The following COPB2 variants were observed in gnomAD, a reference collection of about 807,000 sequenced individuals.
COPB2 encodes the protein coat protein complex I subunit beta 2.
COPB2 carries 16 observed loss-of-function variants against 120.8 expected under a neutral mutation model. The ratio of observed to expected loss-of-function variants is 0.13; its 90% CI spans 0.09 to 0.20. The LOEUF (loss-of-function observed/expected upper bound fraction) is 0.20, where lower values mean the gene tolerates loss of function less well. Ranked by LOEUF, COPB2 falls within the 10% of genes least tolerant of loss-of-function variation. The pLI, the probability that COPB2 is intolerant of heterozygous loss-of-function variation, is 1.00. For synonymous variants in COPB2, 332 were observed against 366.3 expected (o/e 0.91, Z 1.07); for missense variants, 794 against 1,076.5 (o/e 0.74, Z 3.67).
intron 1 of COPB2, among the ~76,000 whole-genome samples, chr3:139,384,034 G>T (rs74710375): frequency 6.6e-6 from 1 of 152,292 alleles, no homozygotes; most frequent in East Asian, 1.9e-4. Context: ...TGGTCTCACA[G>T]ATACCTAGTT....
At chr3:139,384,092 C>T (rs1045656849) in intron 1 of COPB2, among the ~76,000 whole-genome samples, 10 of 152,080 alleles carry the variant, frequency 6.6e-5, no homozygotes, top group Admixed American at 2.6e-4. Flanking sequence ...TGAAATTCTT[C>T]GAAATTCGAG....
intron 2 of COPB2, 119 bp from the exon 3 acceptor site, chr3:139,379,585 G>A: frequency 5.4e-6 from 4 of 743,922 alleles, no homozygotes; most frequent in Non-Finnish European, 8.6e-6. Context: ...ATATTCTCAG[G>A]CTAAAATATA....
rs1199326532 is a variant in COPB2 at position 139,359,161 on chromosome 3, C to T, written c.2321G>A (p.Arg774Lys). The T allele has an allele frequency of 6.2e-7, 1 of 1,613,598 alleles. No individual in the cohort carries two copies. The highest frequency in any genetic ancestry group is 1.1e-5 in the South Asian group (1 of 90,992). ...CTGATTGACTTTTGAGAGATTCTCT[C>T]TCCAGAGTTTCACTACCCTATTATA... Reference protein sequence around the residue: ...SQVSRVVKLWRENLSKVNQKA... With the variant: ...SQVSRVVKLWKENLSKVNQKA... The change falls in exon 19 of 22, where the codon AGA becomes AAA. Residue 774 changes from arginine (R) to lysine (K), a missense_variant. Arg to Lys is a conservative substitution (Grantham distance 26). Around this residue, in one of 3 missense-constraint regions of COPB2, gnomAD observed 178 missense variants for 183.2 expected, o/e 0.97. Transcript: ENST00000333188.
Position 139,375,493 on chromosome 3 carries a change from C to T in COPB2, c.626G>A (p.Arg209His), listed in dbSNP as rs757082221. Residue 209 changes from arginine to histidine, a missense_variant, in exon 6 of 22, where the codon CGT (arginine) becomes CAT (histidine). Transcript: ENST00000333188. Reference protein sequence around the residue: ...KPYLISGADDRLVKIWDYQNK... With the variant: ...KPYLISGADDHLVKIWDYQNK... ...CTGATAATCCCATATTTTAACAAGACGGTCATCTGCACCTGAAATGAGGTA... is the reference window on the plus strand; with the variant it reads ...CTGATAATCCCATATTTTAACAAGATGGTCATCTGCACCTGAAATGAGGTA... The T allele has an allele frequency of 7.4e-6, 12 of 1,612,728 alleles. No individual in the cohort carries two copies. Among genetic ancestry groups the T allele is most frequent in the South Asian group, 4.4e-5 (4 of 90,860 alleles).
chr3:139,365,518 G>A (rs982767650), intron 15 of COPB2, among the ~76,000 whole-genome samples: 1 of 152,160 alleles, frequency 6.6e-6, no homozygotes, highest in African/African-American at 2.4e-5. Context: ...TGAAGGGCAT[G>A]TTCCCCTAAA....
chr3:139,384,339 T>G (rs529651931), intron 1 of COPB2, among the ~76,000 whole-genome samples: 26 of 152,326 alleles, frequency 1.7e-4, no homozygotes, highest in African/African-American at 6.3e-4. Context: ...AAATTACACA[T>G]TCACTAATTT....
chr3:139,371,121 A>T (rs1466358689), intron 10 of COPB2, among the ~76,000 whole-genome samples: 7 of 152,232 alleles, frequency 4.6e-5, no homozygotes, highest in Non-Finnish European at 8.8e-5. Context: ...ATTAAACAGG[A>T]ATCAAAAAGG....
intron 15 of COPB2, among the ~76,000 whole-genome samples, chr3:139,363,873 T>C (rs1455701547): frequency 6.6e-6 from 1 of 152,124 alleles, no homozygotes; most frequent in Non-Finnish European, 1.5e-5. Flanking sequence ...CGGAGTTACT[T>C]TTTTTCCACT....
intron 4 of COPB2, 151 bp from the exon 5 acceptor site, chr3:139,378,340 CTTAT>C (rs1369479756): frequency 4.9e-6 from 3 of 610,090 alleles, no homozygotes; most frequent in East Asian, 6.6e-5. Flanking sequence ...TTTCAAAATG[CTTAT>C]TTATCTTAAA....
intron 20 of COPB2, 28 bp downstream of exon 20, chr3:139,358,716 A>C: frequency 6.5e-7 from 1 of 1,544,896 alleles, no homozygotes; most frequent in Non-Finnish European, 8.9e-7. Flanking sequence ...ATCTCAGCCA[A>C]ATTTATCACA....
At chr3:139,373,463 C>A (rs1158645990) in intron 8 of COPB2, 51 bp from the exon 9 acceptor site, 2 of 1,597,712 alleles carry the variant, frequency 1.3e-6, no homozygotes, top group Non-Finnish European at 1.7e-6. Context: ...ATGAATAAAA[C>A]CAAAACAAAA....
At position 139,367,101 on chromosome 3, in the gene COPB2, T is replaced by C; in HGVS notation, c.1590A>G (p.Val530=). ...AACTTGTGTAAATGAAGCAATCGCCTACCCAAAGCCCTGTTTTCACAATTT... is the reference window on the plus strand; with the variant it reads ...AACTTGTGTAAATGAAGCAATCGCCCACCCAAAGCCCTGTTTTCACAATTT... The part of the protein sequence containing the change: ...IQEIVKTGLW[V]GDCFIYTSSV... The change falls in exon 14 of 22, where the codon GTA becomes GTG. Residue 530 remains valine (V), a synonymous_variant. Coordinates refer to ENST00000333188, the MANE Select transcript of COPB2 (RefSeq NM_004766.3). The C allele has an allele frequency of 6.2e-7, 1 of 1,613,968 alleles. No homozygotes were observed. Among genetic ancestry groups the C allele is most frequent in the Non-Finnish European group, 8.5e-7 (1 of 1,179,932 alleles).
intron 2 of COPB2, 198 bp downstream of exon 2, chr3:139,383,100 T>TA (rs1465039263): frequency 3.2e-6 from 2 of 633,926 alleles, no homozygotes; most frequent in Admixed American, 2.7e-5. Context: ...ATATTGTATA[T>TA]AACATACCCA....
At chr3:139,386,588 C>A (rs1218822984) in intron 1 of COPB2, among the ~76,000 whole-genome samples, 4 of 152,120 alleles carry the variant, frequency 2.6e-5, no homozygotes, top group Non-Finnish European at 4.4e-5. Context: ...CTTTTTACTT[C>A]ATTTCTGAAT....
At chr3:139,359,199 C>T in intron 18 of COPB2, 21 bp from the exon 19 acceptor site, 1 of 1,611,994 alleles carries the variant, frequency 6.2e-7, no homozygotes, top group Non-Finnish European at 8.5e-7. Flanking sequence ...CATCATGGAA[C>T]CAAAGAGAGA....
intron 12 of COPB2, among the ~76,000 whole-genome samples, chr3:139,368,608 C>T (rs1175245424): frequency 6.6e-6 from 1 of 151,998 alleles, no homozygotes; most frequent in African/African-American, 2.4e-5. Context: ...TTCATTTTCA[C>T]CCACCCTCCC....
At chr3:139,381,902 A>G in intron 2 of COPB2, 1 of 31,714 alleles carries the variant, frequency 3.2e-5, no homozygotes, top group South Asian at 1.2e-3. Context: ...ACTAAACAAA[A>G]AGCAAAAAAA....
intron 15 of COPB2, among the ~76,000 whole-genome samples, chr3:139,364,798 C>G (rs759008510): frequency 3.3e-5 from 5 of 152,144 alleles, no homozygotes; most frequent in Non-Finnish European, 7.4e-5. Flanking sequence ...AAATTCAGAC[C>G]TTCTGATCTG....
At chr3:139,383,845 G>GT (rs1941860965) in intron 1 of COPB2, among the ~76,000 whole-genome samples, 1 of 152,070 alleles carries the variant, frequency 6.6e-6, no homozygotes, top group Admixed American at 6.6e-5. Context: ...AAAATAACAT[G>GT]TTTTTATGAA....
Sources: allele counts gnomAD v4.1 joint callset (sites outside exome capture counted in the v4.1 genomes callset), GRCh38; gene constraint gnomAD v4.1.1; regional missense constraint gnomAD v4.1.1; transcripts MANE v1.5; gene names NCBI Gene and HGNC (gene_info 2026-07-23, HGNC 2026-07-21).